The following GRIK2 variants were observed in gnomAD, a reference collection of about 807,000 sequenced individuals.
GRIK2 encodes the protein glutamate receptor ionotropic, kainate 2.
Under a neutral mutation model 100.3 loss-of-function variants are expected in GRIK2, and 32 were observed. That is an observed-to-expected ratio of 0.32 (90% CI 0.24 to 0.43). The LOEUF is 0.43. GRIK2 is among the 20% of genes least tolerant of loss of function. GRIK2 has a pLI of 1.00. For missense variants in GRIK2, 843 were observed against 1,114.9 expected, an observed-to-expected ratio of 0.76 and a Z score of 3.47; for synonymous variants, 417 against 389.4, an observed-to-expected ratio of 1.07 and a Z score of -0.83.
intron 15 of GRIK2, among the ~76,000 whole-genome samples, chr6:102,040,169 A>G (rs1234626110): frequency 6.6e-6 from 1 of 151,578 alleles, no homozygotes; most frequent in African/African-American, 2.4e-5. Flanking sequence ...TGAAGAATGT[A>G]AAGATAAAGT....
intron 11 of GRIK2, among the ~76,000 whole-genome samples, chr6:101,879,614 T>G (rs1303513145): frequency 6.6e-6 from 1 of 151,838 alleles, no homozygotes; most frequent in Non-Finnish European, 1.5e-5. Flanking sequence ...CAGCGACAAT[T>G]ATATCAATAA....
chr6:102,002,147 A>G (rs1295610883), intron 14 of GRIK2, among the ~76,000 whole-genome samples: 1 of 150,708 alleles, frequency 6.6e-6, no homozygotes, highest in Non-Finnish European at 1.5e-5. Flanking sequence ...TATTATTTAT[A>G]TGATACTAGC....
chr6:101,960,140 G>A (rs1391712336), intron 14 of GRIK2, among the ~76,000 whole-genome samples: 2 of 144,692 alleles, frequency 1.4e-5, no homozygotes, highest in Admixed American at 1.4e-4. Context: ...TAATGGTAAG[G>A]CTTCCAAATG....
intron 7 of GRIK2, among the ~76,000 whole-genome samples, chr6:101,799,026 G>C (rs952117811): frequency 1.3e-5 from 2 of 151,954 alleles, no homozygotes; most frequent in Admixed American, 1.3e-4. Flanking sequence ...CTTGAAAAGC[G>C]GGTAATACAG....
At chr6:102,025,944 G>A (rs771319547) in intron 14 of GRIK2, among the ~76,000 whole-genome samples, 43 of 150,528 alleles carry the variant, frequency 2.9e-4, no homozygotes, top group Non-Finnish European at 4.5e-4. Context: ...AAGGCCTGGC[G>A]TTAAGGGCCA....
At chr6:102,057,604 A>G (rs929273537) in intron 16 of GRIK2, among the ~76,000 whole-genome samples, 4 of 151,976 alleles carry the variant, frequency 2.6e-5, no homozygotes, top group African/African-American at 9.7e-5. Flanking sequence ...TGGATATTAC[A>G]TGAGCATTAT....
At chr6:101,533,107 G>T (rs756355543) in intron 2 of GRIK2, among the ~76,000 whole-genome samples, 1 of 151,894 alleles carries the variant, frequency 6.6e-6, no homozygotes, top group Non-Finnish European at 1.5e-5. Flanking sequence ...TTAGCTTTTA[G>T]CATGCTTATC....
intron 16 of GRIK2, among the ~76,000 whole-genome samples, chr6:102,058,091 A>G (rs1261867768): frequency 6.6e-6 from 1 of 151,818 alleles, no homozygotes; most frequent in Non-Finnish European, 1.5e-5. Flanking sequence ...TCCTTTTGAG[A>G]AAGCTGGGAA....
intron 16 of GRIK2, 64 bp downstream of exon 16, chr6:102,055,644 C>A: frequency 1.6e-6 from 2 of 1,230,140 alleles, no homozygotes; most frequent in Non-Finnish European, 2.3e-6. Flanking sequence ...AAACACAAAC[C>A]AAAAGAGTTT....
chr6:101,594,386 C>A (rs574856336), intron 2 of GRIK2, among the ~76,000 whole-genome samples: 33 of 151,828 alleles, frequency 2.2e-4, no homozygotes, highest in Admixed American at 8.6e-4. Flanking sequence ...ATTTTCATAT[C>A]CTCCTGGAGT....
chr6:101,823,974 T>C (rs1013135955), intron 10 of GRIK2, among the ~76,000 whole-genome samples: 2 of 151,850 alleles, frequency 1.3e-5, no homozygotes, highest in African/African-American at 4.8e-5. Context: ...TTCAAGTGAT[T>C]CTCCTGCCTC....
chr6:101,476,205 T>C (rs1317350235), intron 2 of GRIK2, among the ~76,000 whole-genome samples: 1 of 152,128 alleles, frequency 6.6e-6, no homozygotes, highest in Non-Finnish European at 1.5e-5. Context: ...TGTTCTCTAG[T>C]ACAATCAGAT....
At chr6:102,065,074 T>G (rs552647263) in intron 16 of GRIK2, among the ~76,000 whole-genome samples, 2 of 151,396 alleles carry the variant, frequency 1.3e-5, no homozygotes, top group Non-Finnish European at 3.0e-5. Context: ...AGAAAATTAA[T>G]AAAATTTGTA....
chr6:101,554,749 C>A lies in GRIK2; in HGVS notation c.116-67200C>A, dbSNP rs551926377. Among the ~76,000 whole-genome samples, 3 of 152,190 alleles carry A rather than the reference C, an allele frequency of 2.0e-5. No homozygotes were observed. In the South Asian group the frequency reaches 6.2e-4, roughly 32 times the overall value. ...TCCTGTTTTAGTACCTATAGTACCACCAAAATACCTAGTTCTGAGTATGTT... is the reference window on the plus strand; with the variant it reads ...TCCTGTTTTAGTACCTATAGTACCAACAAAATACCTAGTTCTGAGTATGTT... On this transcript the variant is annotated intron_variant, in intron 2 of 16. Transcript: ENST00000369134.
intron 10 of GRIK2, among the ~76,000 whole-genome samples, chr6:101,844,235 A>G (rs556677353): frequency 2.0e-5 from 3 of 152,160 alleles, no homozygotes; most frequent in African/African-American, 4.8e-5. Context: ...GTATTGAGAG[A>G]TACAATAGTC....
chr6:101,835,464 CTT>C (rs764148146), intron 10 of GRIK2, among the ~76,000 whole-genome samples: 6,518 of 89,004 alleles, frequency 0.073, 119 homozygotes, highest in African/African-American at 0.14. Flanking sequence ...CTATGAGTTC[CTT>C]TTTTTTTTTT....
chr6:101,573,509 A>G (rs933847507), intron 2 of GRIK2, among the ~76,000 whole-genome samples: 1 of 152,176 alleles, frequency 6.6e-6, no homozygotes, highest in African/African-American at 2.4e-5. Flanking sequence ...TTGTTTCATA[A>G]TCCAGTTCTT....
At chr6:101,794,781 A>G (rs1020617785) in intron 7 of GRIK2, among the ~76,000 whole-genome samples, 1 of 151,136 alleles carries the variant, frequency 6.6e-6, no homozygotes, top group Non-Finnish European at 1.5e-5. Flanking sequence ...TAGAGGTGTC[A>G]TACTTCCTGG....
At chr6:101,708,546 T>A (rs538872094) in intron 7 of GRIK2, among the ~76,000 whole-genome samples, 1 of 151,806 alleles carries the variant, frequency 6.6e-6, no homozygotes, top group South Asian at 2.1e-4. Context: ...TCTTTAAAAT[T>A]TACCTTCTTT....
Sources: gnomAD v4.1 joint callset for allele counts (sites outside exome capture counted in the v4.1 genomes callset) on GRCh38, gnomAD v4.1.1 for gene constraint, MANE v1.5 for transcripts, NCBI Gene and HGNC (gene_info 2026-07-23, HGNC 2026-07-21) for gene names.